The following SV2C variants were observed in gnomAD, a reference collection of about 807,000 sequenced individuals.
The protein encoded by SV2C is synaptic vesicle glycoprotein 2C, also known as solute carrier family 22 member B3.
SV2C carries 49 observed loss-of-function variants against 79.7 expected under a neutral mutation model. The observed-to-expected ratio is 0.61, with a 90% CI of 0.49 to 0.78. The LOEUF (loss-of-function observed/expected upper bound fraction) is 0.78, where lower values mean the gene tolerates loss of function less well. SV2C is among the 30% of genes least tolerant of loss of function. SV2C has a pLI of 0.00. For synonymous variants in SV2C, 334 were observed against 333.2 expected (o/e 1.00, Z -0.03); for missense variants, 833 against 912.9 (o/e 0.91, Z 1.13).
rs1195586134 is a variant in SV2C at position 76,120,473 on chromosome 5, C to T, written c.-101-11177C>T. Among the ~76,000 whole-genome samples, 5 of 144,082 alleles carry T rather than the reference C, an allele frequency of 3.5e-5. 1 individual carries two copies. Among genetic ancestry groups the T allele is most frequent in the African/African-American group, 5.6e-5 (2 of 35,982 alleles). The allele number at this position is 144,082 out of a possible 152,430, so 94.5% of individuals were successfully genotyped here. ...TGCTGGTATGCTGCACCCATTAACT[C>T]GTCATTTAGCATTAGGTGTATATCC... On this transcript the variant is annotated intron_variant, in intron 1 of 12. Coordinates refer to ENST00000502798, the MANE Select transcript of SV2C (RefSeq NM_014979.4).
At chr5:76,095,285 A>G (rs1747517244) in intron 1 of SV2C, among the ~76,000 whole-genome samples, 1 of 152,080 alleles carries the variant, frequency 6.6e-6, no homozygotes. Flanking sequence ...TTGATGAGCC[A>G]TTACTGATAC....
the SV2C span, among the ~76,000 whole-genome samples, chr5:76,066,554 T>C: frequency 6.6e-6 from 1 of 151,324 alleles, no homozygotes; most frequent in African/African-American, 2.4e-5. Context: ...TGTATACATA[T>C]GTAACAAACC....
intron 12 of SV2C, among the ~76,000 whole-genome samples, chr5:76,324,383 A>C (rs1284206818): frequency 6.6e-6 from 1 of 152,222 alleles, no homozygotes; most frequent in African/African-American, 2.4e-5. Context: ...GAAACTGCTC[A>C]ATTTTTCTAT....
the SV2C span, among the ~76,000 whole-genome samples, chr5:76,029,635 T>C: frequency 5.9e-5 from 9 of 152,002 alleles, no homozygotes; most frequent in African/African-American, 2.2e-4. Context: ...ACACTTATTA[T>C]TTTTACACTT....
At chr5:76,002,599 T>C in the SV2C span, among the ~76,000 whole-genome samples, 1 of 152,196 alleles carries the variant, frequency 6.6e-6, no homozygotes, top group South Asian at 2.1e-4. Context: ...GTTGTTTATA[T>C]ACATTTTAAA....
At chr5:75,910,832 T>G in the SV2C span, 1 of 1,290,190 alleles carries the variant, frequency 7.8e-7, no homozygotes, top group Non-Finnish European at 1.1e-6. Flanking sequence ...GAGGGATGTC[T>G]TCTACAGGGA....
At chr5:76,166,843 A>G (rs909716254) in intron 2 of SV2C, among the ~76,000 whole-genome samples, 1 of 152,216 alleles carries the variant, frequency 6.6e-6, no homozygotes, top group Non-Finnish European at 1.5e-5. Flanking sequence ...TCCATTTGAT[A>G]GAATCCTGTG....
chr5:76,242,898 C>A (rs1162858626), intron 4 of SV2C, among the ~76,000 whole-genome samples: 2 of 151,130 alleles, frequency 1.3e-5, no homozygotes, highest in African/African-American at 2.4e-5. Context: ...GTAGTAGTCC[C>A]AGCTACTCAG....
intron 1 of SV2C, among the ~76,000 whole-genome samples, chr5:76,088,498 G>A (rs1580256113): frequency 1.3e-5 from 2 of 152,040 alleles, no homozygotes; most frequent in East Asian, 1.9e-4. Context: ...GTCCTCACAC[G>A]GAAGGAGCAA....
intron 2 of SV2C, among the ~76,000 whole-genome samples, chr5:76,157,067 G>A (rs556748409): frequency 6.6e-6 from 1 of 152,044 alleles, no homozygotes; most frequent in South Asian, 2.1e-4. Flanking sequence ...TATCTAGAAA[G>A]CTCAAAAAAC....
intron 2 of SV2C, among the ~76,000 whole-genome samples, chr5:76,168,702 A>T (rs187491689): frequency 1.6e-3 from 243 of 152,168 alleles, no homozygotes; most frequent in Admixed American, 3.1e-3. Flanking sequence ...ATTATGTTCT[A>T]CTGTGTTCTC....
At chr5:75,858,315 G>T in the SV2C span, among the ~76,000 whole-genome samples, 1 of 152,276 alleles carries the variant, frequency 6.6e-6, no homozygotes, top group African/African-American at 2.4e-5. Flanking sequence ...ATCAGGAAAA[G>T]ATGTTGAATT....
the SV2C span, among the ~76,000 whole-genome samples, chr5:76,049,259 C>A: frequency 1.3e-5 from 2 of 151,184 alleles, no homozygotes; most frequent in Non-Finnish European, 2.9e-5. Flanking sequence ...ATGGCGTGAA[C>A]CCGGGAGGCG....
the SV2C span, among the ~76,000 whole-genome samples, chr5:76,035,625 T>A: frequency 6.6e-6 from 1 of 152,334 alleles, no homozygotes; most frequent in South Asian, 2.1e-4. Context: ...TAGTTTTAAT[T>A]TCTGTTCTTT....
chr5:76,162,303 A>G (rs1433174601), intron 2 of SV2C, among the ~76,000 whole-genome samples: 1 of 152,190 alleles, frequency 6.6e-6, no homozygotes, highest in Non-Finnish European at 1.5e-5. Context: ...AAATGGCAGA[A>G]TGTTTTGTTA....
In SV2C at chr5:76,327,696, T is replaced by G. The variant is rs942357007; in HGVS notation, c.*2149T>G. ...AGAAAAATAGAAATGTACATGGGCA[T>G]CGCTGTCTCTAGTCCTCTGTGATAG... On this transcript the variant is annotated 3_prime_UTR_variant, in exon 13 of 13. Coordinates refer to ENST00000502798, the MANE Select transcript of SV2C (RefSeq NM_014979.4). 1.1e-4 allele frequency: 17 copies of G among 152,260 alleles called. No individual in the cohort carries two copies. Among genetic ancestry groups the G allele is most frequent in the Admixed American group, 1.0e-3 (16 of 15,290 alleles). 9.4% of individuals were successfully genotyped at this position (152,260 alleles called of 1,614,324 possible). A position where few individuals can be genotyped will look rare whatever the true frequency, so the allele number is the denominator to read the frequency against.
intron 4 of SV2C, among the ~76,000 whole-genome samples, chr5:76,236,306 ACACC>A (rs1287278990): frequency 6.6e-6 from 1 of 152,196 alleles, no homozygotes; most frequent in Non-Finnish European, 1.5e-5. Flanking sequence ...ATGGTGGCTC[ACACC>A]TGTAATCCCA....
chr5:76,193,681 G>A (rs1744176940), intron 2 of SV2C, among the ~76,000 whole-genome samples: 1 of 152,198 alleles, frequency 6.6e-6, no homozygotes, highest in Non-Finnish European at 1.5e-5. Context: ...GGAGAGGCCA[G>A]GGCAGTTGAG....
rs1749020917 is a variant in SV2C at position 76,326,774 on chromosome 5, A to G, written c.*1227A>G. ...TCTCCCTGTGGTTGTTTGACTGCTCATTTTACCTCTGGAATCTGCCTGGGC... is the reference window on the plus strand; with the variant it reads ...TCTCCCTGTGGTTGTTTGACTGCTCGTTTTACCTCTGGAATCTGCCTGGGC... On this transcript the variant is annotated 3_prime_UTR_variant, in exon 13 of 13. Transcript: ENST00000502798. 6.6e-6 allele frequency: 1 copy of G among 152,152 alleles called. No individual in the cohort carries two copies. The highest frequency in any genetic ancestry group is 2.4e-5 in the African/African-American group (1 of 41,404). 9.4% of individuals were successfully genotyped at this position (152,152 alleles called of 1,614,324 possible). A position where few individuals can be genotyped will look rare whatever the true frequency, so the allele number is the denominator to read the frequency against.
Sources: allele counts gnomAD v4.1 joint callset (sites outside exome capture counted in the v4.1 genomes callset), GRCh38; gene constraint gnomAD v4.1.1; transcripts MANE v1.5; gene names NCBI Gene and HGNC (gene_info 2026-07-23, HGNC 2026-07-21).